CCDC92: variants seen among roughly 807,000 people sequenced by gnomAD.
CCDC92 encodes the protein coiled-coil domain-containing protein 92.
In CCDC92, 12 loss-of-function variants were observed where a neutral mutation model predicts 24.9. That is an observed-to-expected ratio of 0.48 (90% confidence interval 0.31 to 0.78). The LOEUF (loss-of-function observed/expected upper bound fraction) is 0.78. CCDC92 is among the 30% of genes least tolerant of loss of function. The pLI, the probability that CCDC92 is intolerant of heterozygous loss-of-function variation, is 0.05. For synonymous variants in CCDC92, 193 were observed against 196.3 expected (o/e 0.98, Z 0.14); for missense variants, 399 against 439.4 (o/e 0.91, Z 0.82).
chr12:123,938,908 G>C (rs902693944), intron 4 of CCDC92, among the ~76,000 whole-genome samples: 1 of 152,100 alleles, frequency 6.6e-6, no homozygotes, highest in African/African-American at 2.4e-5. Context: ...TGCTCCTCCA[G>C]CCGGCCTTGG....
Position 123,959,876 on chromosome 12 carries a change from G to A in CCDC92, c.-60+12653C>T, listed in dbSNP as rs76395940. On this transcript the variant is annotated intron_variant, in intron 1 of 4. Transcript: ENST00000238156. ...TCTAAAGCATTTAGAACCATGGCTA[G>A]AGCTATGTGTTTACTATCATTGCTT... Among the ~76,000 whole-genome samples the A allele has an allele frequency of 6.6e-3, 1,002 of 152,312 alleles. 6 individuals carry two copies. The highest frequency in any genetic ancestry group is 0.022 in the African/African-American group (935 of 41,556).
At chr12:123,970,495 C>A (rs952970122) in intron 1 of CCDC92, among the ~76,000 whole-genome samples, 1 of 152,254 alleles carries the variant, frequency 6.6e-6, no homozygotes, top group East Asian at 1.9e-4. Context: ...TAGGACACAG[C>A]CACTTCCGTG....
At chr12:123,947,276 C>T (rs1047554032) in intron 1 of CCDC92, among the ~76,000 whole-genome samples, 3 of 152,116 alleles carry the variant, frequency 2.0e-5, no homozygotes, top group African/African-American at 7.2e-5. Flanking sequence ...GCCCGAGCCT[C>T]CCCGACCAGT....
In CCDC92 at chr12:123,935,655, GT is replaced by G; in HGVS notation, c.*1402del. 1 of 604,262 alleles carries G rather than the reference GT, an allele frequency of 1.7e-6. No individual in the cohort carries two copies. The highest frequency in any genetic ancestry group is 2.6e-6 in the Non-Finnish European group (1 of 378,492). The allele number at this position is 604,262 out of a possible 1,614,324, so 37.4% of individuals were successfully genotyped here. ...CATACAAATTAACCTGAATGGTTTT[GT>G]TTTTAATACTACTTTTTAAAAGGAA... On this transcript the variant is annotated 3_prime_UTR_variant, in exon 5 of 5. Transcript: ENST00000238156.
rs1448864822 is a variant in CCDC92 at position 123,937,824 on chromosome 12, C to T, written c.230G>A (p.Gly77Glu). The change falls in exon 5 of 5, where the codon GGG becomes GAG. Residue 77 changes from glycine to glutamate, a missense_variant. Gly to Glu is a moderately conservative substitution (Grantham distance 98, BLOSUM62 -2). Transcript: ENST00000238156. The surrounding 1 kb of genome is among the most constrained non-coding windows in gnomAD (Gnocchi z 8.4). Reference protein sequence around the residue: ...TVKSSEQTGDGTSKSSELKKR... With the variant: ...TVKSSEQTGDETSKSSELKKR... ...CTTTAATTCACTGCTTTTAGAAGTC[C>T]CGTCTCCTACAAGAATAAGCCGAGG... The T allele has an allele frequency of 6.2e-7, 1 of 1,605,146 alleles. No individual in the cohort carries two copies. The highest frequency in any genetic ancestry group is 1.3e-5 in the African/African-American group (1 of 74,722).
At chr12:123,965,246 A>G (rs1956364537) in intron 1 of CCDC92, among the ~76,000 whole-genome samples, 1 of 152,224 alleles carries the variant, frequency 6.6e-6, no homozygotes, top group Non-Finnish European at 1.5e-5. Context: ...ATCGAGATAT[A>G]GTGAGGTCTA....
chr12:123,969,467 T>G (rs914831935), intron 1 of CCDC92, among the ~76,000 whole-genome samples: 7 of 138,110 alleles, frequency 5.1e-5, no homozygotes, highest in Admixed American at 2.1e-4. Context: ...TTCAGTTTTT[T>G]TTTTTTTTTT....
chr12:123,941,091 A>C (rs1274594348), intron 4 of CCDC92, among the ~76,000 whole-genome samples: 1 of 152,212 alleles, frequency 6.6e-6, no homozygotes, highest in South Asian at 2.1e-4. Context: ...GGGCAAAACT[A>C]TGCTGCTTCA....
intron 1 of CCDC92, among the ~76,000 whole-genome samples, chr12:123,961,646 C>T (rs561329780): frequency 1.5e-3 from 226 of 152,230 alleles, no homozygotes; most frequent in Middle Eastern, 6.8e-3. Flanking sequence ...GAGTTTAGTC[C>T]GGCAGGGACG....
At position 123,962,650 on chromosome 12, in the gene CCDC92, T is replaced by G. The variant is rs1338785410; in HGVS notation, c.-60+9879A>C. The G allele has an allele frequency of 2.0e-5, 3 of 153,402 alleles. No individual in the cohort carries two copies. The East Asian group carries it at 5.8e-4, about 30-fold the overall frequency. 9.5% of individuals were successfully genotyped at this position (153,402 alleles called of 1,614,324 possible). ...TCAGAAGGCGGAACAGGATGGGGAG[T>G]AGAGAGAGGAAGGTGGCGACTCTGT... On this transcript the variant is annotated intron_variant, in intron 1 of 4. Transcript: ENST00000238156.
intron 1 of CCDC92, among the ~76,000 whole-genome samples, chr12:123,953,993 C>T (rs915326521): frequency 8.5e-5 from 13 of 152,112 alleles, no homozygotes; most frequent in African/African-American, 2.7e-4. Context: ...ACATTTGTCT[C>T]TAGATGGTGG....
intron 1 of CCDC92, among the ~76,000 whole-genome samples, chr12:123,954,131 A>C (rs916427680): frequency 6.6e-6 from 1 of 152,214 alleles, no homozygotes; most frequent in Non-Finnish European, 1.5e-5. Context: ...TCCACTAACA[A>C]AGTAGTATCA....
intron 1 of CCDC92, chr12:123,946,027 G>GATGATCTTGCTGGCATCCCCCGCCATC (rs1566155550): frequency 4.3e-4 from 9 of 20,984 alleles, no homozygotes; most frequent in East Asian, 4.2e-3. Context: ...CTGGCATCCT[G>GATGATCTTGCTGGCATCCCCCGCCATC]CTTTGAAAGC....
chr12:123,946,649 G>T (rs1353460552), intron 1 of CCDC92: 2 of 152,350 alleles, frequency 1.3e-5, no homozygotes, highest in Admixed American at 6.5e-5. Context: ...CACCCTGGAG[G>T]CCCACGAATG....
chr12:123,950,888 T>C (rs771126206), intron 1 of CCDC92, among the ~76,000 whole-genome samples: 1 of 152,198 alleles, frequency 6.6e-6, no homozygotes, highest in Non-Finnish European at 1.5e-5. Context: ...CTTGCATCTC[T>C]CTGACTTTCT....
intron 1 of CCDC92, among the ~76,000 whole-genome samples, 153 bp downstream of exon 1, chr12:123,972,376 C>G (rs535543212): frequency 2.0e-5 from 3 of 152,070 alleles, no homozygotes; most frequent in Admixed American, 2.0e-4. Context: ...AGGAGGACCC[C>G]GTCCCCCGTC....
chr12:123,936,655 C>T lies in CCDC92; in HGVS notation c.*403G>A, dbSNP rs1325117638. 9.3e-6 allele frequency: 2 copies of T among 216,080 alleles called. No homozygotes were observed. The highest frequency in any genetic ancestry group is 9.2e-6 in the Non-Finnish European group (1 of 108,140). The allele number at this position is 216,080 out of a possible 1,614,324, so 13.4% of individuals were successfully genotyped here. Reference sequence around the variant, plus strand: ...TCTCCAGGAGGGAGCAGGGGCTGCTCGGCCAGGCTGCCCTGGAGCTTGAGG... The same window carrying T: ...TCTCCAGGAGGGAGCAGGGGCTGCTTGGCCAGGCTGCCCTGGAGCTTGAGG... On this transcript the variant is annotated 3_prime_UTR_variant, in exon 5 of 5. Coordinates refer to ENST00000238156, the MANE Select transcript of CCDC92 (RefSeq NM_025140.3).
chr12:123,961,105 G>A (rs1956261907), intron 1 of CCDC92: 1 of 152,236 alleles, frequency 6.6e-6, no homozygotes, highest in African/African-American at 2.4e-5. Context: ...AAATCCTCAT[G>A]AGGCATCCGC....
intron 1 of CCDC92, among the ~76,000 whole-genome samples, chr12:123,952,582 A>T (rs759411640): frequency 6.6e-6 from 1 of 152,272 alleles, no homozygotes; most frequent in Non-Finnish European, 1.5e-5. Context: ...ATTCACAATG[A>T]ACTGGATAAA....
Sources: allele counts gnomAD v4.1 joint callset (sites outside exome capture counted in the v4.1 genomes callset), GRCh38; gene constraint gnomAD v4.1.1; non-coding constraint Gnocchi (gnomAD v3.1); transcripts MANE v1.5; gene names NCBI Gene and HGNC (gene_info 2026-07-23, HGNC 2026-07-21).